ADARB2: variants seen among roughly 807,000 people sequenced by gnomAD.
ADARB2 encodes adenosine deaminase RNA specific B2 (inactive).
A neutral mutation model predicts 62.2 loss-of-function variants in ADARB2; 25 were observed. That is an observed-to-expected ratio of 0.40 (90% CI 0.29 to 0.56). The LOEUF (loss-of-function observed/expected upper bound fraction) is 0.56. Ranked by LOEUF, ADARB2 falls within the 20% of genes least tolerant of loss-of-function variation. The probability of loss-of-function intolerance (pLI) is 0.43; values close to 1 mark genes in which losing one functional copy is unlikely to be tolerated. For synonymous variants in ADARB2, 572 were observed against 500.8 expected, an observed-to-expected ratio of 1.14 and a Z score of -1.90; for missense variants, 1,071 against 1,077.4, an observed-to-expected ratio of 0.99 and a Z score of 0.08.
chr10:1,480,106 CAG>C (rs1831448004), intron 1 of ADARB2, among the ~76,000 whole-genome samples: 1 of 151,696 alleles, frequency 6.6e-6, no homozygotes, highest in Non-Finnish European at 1.5e-5. Flanking sequence ...TGGTAAAAGA[CAG>C]AAAGCTTTTC....
intron 1 of ADARB2, among the ~76,000 whole-genome samples, chr10:1,668,348 T>C (rs1026118125): frequency 6.6e-6 from 1 of 152,318 alleles, no homozygotes. Context: ...ACAAAGGACA[T>C]TGGAACAGTC....
chr10:1,232,169 C>G (rs1589159475), intron 6 of ADARB2, among the ~76,000 whole-genome samples: 1 of 139,940 alleles, frequency 7.1e-6, no homozygotes, highest in African/African-American at 3.3e-5. Context: ...ACACATAGCA[C>G]ACACACCGCA....
intron 1 of ADARB2, among the ~76,000 whole-genome samples, chr10:1,688,238 C>T (rs1230022584): frequency 6.6e-6 from 1 of 152,200 alleles, no homozygotes; most frequent in East Asian, 1.9e-4. Context: ...CACTGTCAGC[C>T]TCACACCTCA....
intron 1 of ADARB2, among the ~76,000 whole-genome samples, chr10:1,697,632 T>C (rs1238430070): frequency 6.6e-6 from 1 of 152,220 alleles, no homozygotes; most frequent in Admixed American, 6.5e-5. Flanking sequence ...GTGTCCATCC[T>C]GAACCCCAGA....
At chr10:1,299,629 C>G (rs1354031199) in intron 3 of ADARB2, among the ~76,000 whole-genome samples, 1 of 152,190 alleles carries the variant, frequency 6.6e-6, no homozygotes, top group Admixed American at 6.5e-5. Context: ...AGCTGCCCTC[C>G]CATCCCACAC....
chr10:1,358,709 A>G (rs1832220359), intron 3 of ADARB2, among the ~76,000 whole-genome samples: 1 of 152,102 alleles, frequency 6.6e-6, no homozygotes, highest in Non-Finnish European at 1.5e-5. Context: ...TGAAGGCACT[A>G]CTTTGGAGTT....
At chr10:1,338,478 T>C (rs1028234504) in intron 3 of ADARB2, among the ~76,000 whole-genome samples, 2 of 152,254 alleles carry the variant, frequency 1.3e-5, no homozygotes, top group Non-Finnish European at 2.9e-5. Context: ...AACAATCCTG[T>C]AGAGGCAAAA....
chr10:1,582,451 T>C (rs1749034379), intron 1 of ADARB2, among the ~76,000 whole-genome samples: 2 of 152,226 alleles, frequency 1.3e-5, no homozygotes, highest in South Asian at 2.1e-4. Flanking sequence ...CTGGTTTCCC[T>C]GGCAGTGTCA....
chr10:1,663,314 A>G (rs4880904), intron 1 of ADARB2, among the ~76,000 whole-genome samples: 35,238 of 152,014 alleles, frequency 0.23, 4,160 homozygotes, highest in East Asian at 0.27. Flanking sequence ...CTCTATTTAC[A>G]TCTGGGTTAC....
chr10:1,429,493 C>G (rs1830757340), intron 1 of ADARB2, among the ~76,000 whole-genome samples: 1 of 152,160 alleles, frequency 6.6e-6, no homozygotes, highest in African/African-American at 2.4e-5. Flanking sequence ...AAAATATTAG[C>G]CTATAGATTT....
intron 4 of ADARB2, among the ~76,000 whole-genome samples, chr10:1,246,213 G>A (rs1264144564): frequency 6.6e-6 from 1 of 151,886 alleles, no homozygotes; most frequent in Non-Finnish European, 1.5e-5. Context: ...ATTTGTTTGA[G>A]TTCATTGTAG....
intron 2 of ADARB2, among the ~76,000 whole-genome samples, chr10:1,369,775 G>T (rs1289242659): frequency 6.6e-6 from 1 of 152,196 alleles, no homozygotes; most frequent in Non-Finnish European, 1.5e-5. Flanking sequence ...CATCCCCTCT[G>T]TCTCTGATCC....
chr10:1,277,804 A>G (rs897696715), intron 3 of ADARB2, among the ~76,000 whole-genome samples: 1 of 152,204 alleles, frequency 6.6e-6, no homozygotes, highest in Non-Finnish European at 1.5e-5. Flanking sequence ...ACAACAAAAA[A>G]AGAGAATTTT....
chr10:1,451,600 C>T (rs1041058244), intron 1 of ADARB2, among the ~76,000 whole-genome samples: 1 of 151,918 alleles, frequency 6.6e-6, no homozygotes, highest in East Asian at 1.9e-4. Context: ...AGGGGCTCAC[C>T]TGTATAAGGA....
chr10:1,536,181 G>A (rs919871312), intron 1 of ADARB2, among the ~76,000 whole-genome samples: 2 of 152,126 alleles, frequency 1.3e-5, no homozygotes, highest in Non-Finnish European at 2.9e-5. Flanking sequence ...TGGTTCCTGG[G>A]GAGGTGATTT....
chr10:1,322,976 C>T lies in ADARB2; in HGVS notation c.1077+40052G>A, dbSNP rs80335996. 7.9e-3 allele frequency among the ~76,000 whole-genome samples: 1,208 copies of T among 152,228 alleles called. 24 individuals carry two copies. The highest frequency in any genetic ancestry group is 0.027 in the African/African-American group (1,106 of 41,540). ...GGCACCAGGAGAAAGCTGACACTAC[C>T]CTGATACACTTACTACAATGGTGTT... On this transcript the variant is annotated intron_variant, in intron 3 of 9. Transcript: ENST00000381312.
chr10:1,574,243 G>A (rs17293956), intron 1 of ADARB2, among the ~76,000 whole-genome samples: 19,450 of 152,198 alleles, frequency 0.13, 1,364 homozygotes, highest in South Asian at 0.22. Context: ...GGAAACAGCC[G>A]GTTTGAGGGC....
At chr10:1,212,557 A>C (rs1441294265) in intron 7 of ADARB2, among the ~76,000 whole-genome samples, 2 of 152,158 alleles carry the variant, frequency 1.3e-5, no homozygotes, top group African/African-American at 2.4e-5. Flanking sequence ...CCTCCTGCTA[A>C]ACCAACAAGG....
At chr10:1,279,563 G>T (rs1030807889) in intron 3 of ADARB2, among the ~76,000 whole-genome samples, 1 of 152,184 alleles carries the variant, frequency 6.6e-6, no homozygotes, top group East Asian at 1.9e-4. Context: ...CAGTCCTCCT[G>T]CCTTGGCCTC....
Sources: gnomAD v4.1 joint callset for allele counts (sites outside exome capture counted in the v4.1 genomes callset) on GRCh38, gnomAD v4.1.1 for gene constraint, MANE v1.5 for transcripts, NCBI Gene and HGNC (gene_info 2026-07-23, HGNC 2026-07-21) for gene names.